The following GRM7 variants were observed in gnomAD, a reference collection of about 807,000 sequenced individuals.
GRM7 encodes metabotropic glutamate receptor 7.
In GRM7, 35 loss-of-function variants were observed where a neutral mutation model predicts 84.5. The ratio of observed to expected loss-of-function variants is 0.41; its 90% confidence interval spans 0.32 to 0.55. The LOEUF is 0.55. Ranked by LOEUF, GRM7 falls within the 20% of genes least tolerant of loss-of-function variation. The pLI, the probability that GRM7 is intolerant of heterozygous loss-of-function variation, is 0.19. For synonymous variants in GRM7, 487 were observed against 455.1 expected (o/e 1.07, Z -0.89); for missense variants, 1,003 against 1,194.6 (o/e 0.84, Z 2.36).
chr3:7,113,121 T>A (rs1479124860), intron 1 of GRM7, among the ~76,000 whole-genome samples: 1 of 152,190 alleles, frequency 6.6e-6, no homozygotes, highest in Non-Finnish European at 1.5e-5. Flanking sequence ...TACTGCTTTT[T>A]TTTAACACTA....
At chr3:6,915,643 A>G (rs1245328877) in intron 1 of GRM7, among the ~76,000 whole-genome samples, 2 of 152,182 alleles carry the variant, frequency 1.3e-5, no homozygotes, top group African/African-American at 2.4e-5. Context: ...CTTTCTTTCT[A>G]TGTATTCATT....
chr3:7,025,583 T>C (rs1415515839), intron 1 of GRM7, among the ~76,000 whole-genome samples: 1 of 152,112 alleles, frequency 6.6e-6, no homozygotes, highest in East Asian at 1.9e-4. Context: ...AATCCCTGAG[T>C]CATGCCTGCA....
intron 2 of GRM7, among the ~76,000 whole-genome samples, chr3:7,241,959 C>T (rs1697574629): frequency 6.6e-6 from 1 of 152,156 alleles, no homozygotes; most frequent in Admixed American, 6.6e-5. Context: ...TAAAAATCTC[C>T]TGCTGAAATT....
chr3:7,139,658 G>A (rs894155287), intron 1 of GRM7, among the ~76,000 whole-genome samples: 2 of 151,816 alleles, frequency 1.3e-5, no homozygotes, highest in African/African-American at 4.8e-5. Flanking sequence ...TCAATGTATA[G>A]TTTAGAGTGA....
intron 7 of GRM7, among the ~76,000 whole-genome samples, chr3:7,475,231 G>A (rs1698873885): frequency 1.3e-5 from 2 of 152,154 alleles, no homozygotes; most frequent in South Asian, 4.1e-4. Context: ...TACTGTAAGG[G>A]AGCCTTCACA....
chr3:7,570,536 G>A (rs1694599453), intron 7 of GRM7, among the ~76,000 whole-genome samples: 2 of 152,162 alleles, frequency 1.3e-5, no homozygotes, highest in Admixed American at 6.5e-5. Flanking sequence ...TCACATCCAG[G>A]TCATGCTGAT....
intron 4 of GRM7, among the ~76,000 whole-genome samples, chr3:7,383,040 G>A (rs1407951369): frequency 3.3e-5 from 5 of 152,124 alleles, no homozygotes; most frequent in African/African-American, 7.2e-5. Context: ...GTGCTCCTTA[G>A]CGAGTGATCC....
At chr3:7,414,694 TG>T (rs1696086147) in intron 4 of GRM7, among the ~76,000 whole-genome samples, 1 of 152,126 alleles carries the variant, frequency 6.6e-6, no homozygotes, top group Non-Finnish European at 1.5e-5. Context: ...ATAATATTCA[TG>T]GATCAGGAGC....
intron 1 of GRM7, among the ~76,000 whole-genome samples, chr3:6,948,129 T>C (rs549563275): frequency 2.0e-5 from 3 of 152,046 alleles, no homozygotes; most frequent in Non-Finnish European, 2.9e-5. Context: ...GCTTCTCTAG[T>C]TCTTTTAATT....
At position 7,151,147 on chromosome 3, in the gene GRM7, G is replaced by T. The variant is rs1395329675; in HGVS notation, c.736+4479G>T. Among the ~76,000 whole-genome samples, 1 of 109,502 alleles carries T rather than the reference G, an allele frequency of 9.1e-6. No individual in the cohort carries two copies. The highest frequency in any genetic ancestry group is 4.8e-5 in the African/African-American group (1 of 20,644). 71.8% of individuals were successfully genotyped at this position (109,502 alleles called of 152,430 possible). A position where few individuals can be genotyped will look rare whatever the true frequency, so the allele number is the denominator to read the frequency against. On this transcript the variant is annotated intron_variant, in intron 2 of 9. Coordinates refer to ENST00000357716, the MANE Select transcript of GRM7 (RefSeq NM_000844.4). This position sits in a 1 kb window ranked among gnomAD's most constrained non-coding sequence, Gnocchi z 4.5. ...TATTTTTAATTAATACTTTATCATA[G>T]CCTAGCATATTTTTTTCCTAAAATA...
At chr3:7,649,016 G>A (rs1427507719) in intron 8 of GRM7, among the ~76,000 whole-genome samples, 1 of 152,058 alleles carries the variant, frequency 6.6e-6, no homozygotes, top group Non-Finnish European at 1.5e-5. Context: ...GTGTCTGCCA[G>A]ATAGTACCAA....
At position 7,486,911 on chromosome 3, in the gene GRM7, G is replaced by A. The variant is rs1699343249; in HGVS notation, c.1515+25189G>A. On this transcript the variant is annotated intron_variant, in intron 7 of 9. Transcript: ENST00000357716. This position sits in a 1 kb window ranked among gnomAD's most constrained non-coding sequence, Gnocchi z 5.5. ...TAGAAAAAGCCTAGATTCTTGTGAG[G>A]ACATAGAAGACGAGAATACTAGGGA... is the stretch of plus-strand genomic sequence containing the variant. 6.6e-6 allele frequency among the ~76,000 whole-genome samples: 1 copy of A among 152,160 alleles called. No homozygotes were observed. Among genetic ancestry groups the A allele is most frequent in the Non-Finnish European group, 1.5e-5 (1 of 68,034 alleles).
intron 1 of GRM7, among the ~76,000 whole-genome samples, chr3:6,947,566 C>T (rs1698136273): frequency 6.6e-6 from 1 of 152,186 alleles, no homozygotes; most frequent in Non-Finnish European, 1.5e-5. Context: ...ATGCTGGCCT[C>T]ATAAAATGAG....
chr3:7,481,820 T>C (rs950760900), intron 7 of GRM7, among the ~76,000 whole-genome samples: 1 of 152,198 alleles, frequency 6.6e-6, no homozygotes, highest in Non-Finnish European at 1.5e-5. Context: ...CGATGCAAAC[T>C]GTCCTGCTGT....
chr3:7,382,661 G>A (rs1694635423), intron 4 of GRM7, among the ~76,000 whole-genome samples: 1 of 152,180 alleles, frequency 6.6e-6, no homozygotes, highest in Non-Finnish European at 1.5e-5. Context: ...TACATAGGAA[G>A]AGTAAGGATT....
intron 4 of GRM7, among the ~76,000 whole-genome samples, chr3:7,401,399 G>A (rs1695443335): frequency 6.6e-6 from 1 of 151,988 alleles, no homozygotes; most frequent in African/African-American, 2.4e-5. Context: ...CATGTCCAAG[G>A]CAAGACCATA....
At chr3:7,179,777 T>G (rs1035302988) in intron 2 of GRM7, among the ~76,000 whole-genome samples, 1 of 152,210 alleles carries the variant, frequency 6.6e-6, no homozygotes, top group Non-Finnish European at 1.5e-5. Flanking sequence ...TAAGTCATAT[T>G]TAAGGGAGAG....
intron 2 of GRM7, among the ~76,000 whole-genome samples, chr3:7,283,688 A>G (rs7628294): frequency 0.32 from 48,304 of 152,062 alleles, 9,177 homozygotes; most frequent in Admixed American, 0.48. Context: ...CAAGAATATC[A>G]TTTCAGAGGA....
intron 1 of GRM7, among the ~76,000 whole-genome samples, chr3:7,139,451 C>G (rs1693875420): frequency 6.6e-6 from 1 of 151,810 alleles, no homozygotes; most frequent in Admixed American, 6.6e-5. Flanking sequence ...CTGTAGCATT[C>G]TAAAAAGTAC....
Sources: allele counts gnomAD v4.1 joint callset (sites outside exome capture counted in the v4.1 genomes callset), GRCh38; gene constraint gnomAD v4.1.1; non-coding constraint Gnocchi (gnomAD v3.1); transcripts MANE v1.5; gene names NCBI Gene and HGNC (gene_info 2026-07-23, HGNC 2026-07-21).